The following MBD5 variants were observed in gnomAD, a reference collection of about 807,000 sequenced individuals.
The protein encoded by MBD5 is methyl-CpG binding domain protein 5.
Under a neutral mutation model 117.3 loss-of-function variants are expected in MBD5, and 13 were observed. The ratio of observed to expected loss-of-function variants is 0.11; its 90% CI spans 0.07 to 0.18. The LOEUF is 0.18. Among genes scored for constraint, MBD5 ranks in the 10% least tolerant of loss-of-function variants. The pLI is 1.00. For missense variants in MBD5, 1,879 were observed against 2,093.8 expected, an observed-to-expected ratio of 0.90 and a Z score of 2.00; for synonymous variants, 727 against 766.4, an observed-to-expected ratio of 0.95 and a Z score of 0.85.
At chr2:148,183,695 A>C (rs1216614555) in intron 2 of MBD5, among the ~76,000 whole-genome samples, 1 of 152,124 alleles carries the variant, frequency 6.6e-6, no homozygotes, top group Non-Finnish European at 1.5e-5. Flanking sequence ...TTAAAAAAAC[A>C]GCACATTTTC....
intron 1 of MBD5, among the ~76,000 whole-genome samples, chr2:148,171,985 C>G (rs374182211): frequency 6.6e-6 from 1 of 152,220 alleles, no homozygotes; most frequent in Non-Finnish European, 1.5e-5. Context: ...CCAGCCTGGA[C>G]AGCATAGCAA....
chr2:148,030,373 A>C (rs1348106111), intron 1 of MBD5, among the ~76,000 whole-genome samples: 1 of 152,188 alleles, frequency 6.6e-6, no homozygotes, highest in Non-Finnish European at 1.5e-5. Context: ...AAATCCATGG[A>C]AAGATCTCTA....
chr2:148,083,349 A>C (rs1695695630), intron 1 of MBD5, among the ~76,000 whole-genome samples: 1 of 152,198 alleles, frequency 6.6e-6, no homozygotes, highest in Non-Finnish European at 1.5e-5. Context: ...ATTTTTGCGA[A>C]AGGATTGATT....
intron 3 of MBD5, among the ~76,000 whole-genome samples, chr2:148,290,730 G>A (rs1287169180): frequency 1.3e-5 from 2 of 151,854 alleles, no homozygotes; most frequent in African/African-American, 2.4e-5. Context: ...TTTCAGTTAC[G>A]AATATACCAC....
intron 4 of MBD5, among the ~76,000 whole-genome samples, chr2:148,434,938 A>G (rs1706109840): frequency 6.6e-6 from 1 of 152,132 alleles, no homozygotes; most frequent in African/African-American, 2.4e-5. Context: ...TGTTGGGTGC[A>G]TATATATTTA....
At chr2:148,062,337 A>G (rs1695058958) in intron 1 of MBD5, 1 of 151,672 alleles carries the variant, frequency 6.6e-6, no homozygotes, top group African/African-American at 2.4e-5. Flanking sequence ...CTTTCAAAAC[A>G]GTTATAGTCT....
At chr2:148,235,990 G>T (rs926119959) in intron 3 of MBD5, among the ~76,000 whole-genome samples, 45 of 151,994 alleles carry the variant, frequency 3.0e-4, no homozygotes, top group African/African-American at 1.1e-3. Context: ...GTAGAGACAG[G>T]GTTTTGCCAT....
At chr2:148,501,043 G>A (rs1279446865) in intron 11 of MBD5, among the ~76,000 whole-genome samples, 7 of 152,334 alleles carry the variant, frequency 4.6e-5, no homozygotes, top group African/African-American at 1.7e-4. Context: ...CACACAGTGA[G>A]TTGGGTATGT....
At chr2:148,345,813 A>G (rs2105191274) in intron 4 of MBD5, among the ~76,000 whole-genome samples, 1 of 151,940 alleles carries the variant, frequency 6.6e-6, no homozygotes, top group South Asian at 2.1e-4. Context: ...ATGAGTCTCA[A>G]AACTGAAGAA....
Position 148,183,938 on chromosome 2 carries a change from AT to A in MBD5, c.-831+5152del, listed in dbSNP as rs200306150. Among the ~76,000 whole-genome samples, 902 of 152,002 alleles carry A rather than the reference AT, an allele frequency of 5.9e-3. 9 individuals are homozygous for A. Among genetic ancestry groups the A allele is most frequent in the African/African-American group, 0.021 (868 of 41,474 alleles). ...TATTCCCTAATCACATTGTAAAAAAATTTTTTTAATTAATTTAAAAAAATAA... is the reference window on the plus strand; with the variant it reads ...TATTCCCTAATCACATTGTAAAAAAATTTTTTAATTAATTTAAAAAAATAA... On this transcript the variant is annotated intron_variant, in intron 2 of 13. Coordinates refer to ENST00000642680, the MANE Select transcript of MBD5 (RefSeq NM_001378120.1).
rs2105294933 is a variant in MBD5 at position 148,512,887 on chromosome 2, G to C, written c.5130G>C (p.Gln1710His). The C allele has an allele frequency of 1.2e-6, 2 of 1,613,810 alleles. No homozygotes were observed. Among genetic ancestry groups the C allele is most frequent in the Non-Finnish European group, 8.5e-7 (1 of 1,179,836 alleles). The part of the protein sequence containing the change: ...KMSGTVHQIP[Q>H]GDRQMRPPKP... ...ATTTCCAGGTACACCAAATCCCACA[G>C]GGTGACAGACAAATGAGACCCCCCA... The change falls in exon 14 of 14, where the codon CAG becomes CAC. Residue 1710 changes from glutamine (Q) to histidine (H), a missense_variant. Gln to His is a conservative substitution (Grantham distance 24, BLOSUM62 0). This residue lies in a region of MBD5 where 135 missense variants were observed against 148.0 expected (regional missense o/e 0.91). Transcript: ENST00000642680.
chr2:148,119,734 A>C (rs1391955189), intron 1 of MBD5, among the ~76,000 whole-genome samples: 1 of 152,046 alleles, frequency 6.6e-6, no homozygotes, highest in Non-Finnish European at 1.5e-5. Flanking sequence ...TCTCCAGTTT[A>C]CCCAGCAACA....
intron 1 of MBD5, among the ~76,000 whole-genome samples, chr2:148,122,418 G>A (rs1696791411): frequency 6.6e-6 from 1 of 151,762 alleles, no homozygotes; most frequent in Non-Finnish European, 1.5e-5. Context: ...ATATGAGAGT[G>A]TATCTTAATA....
chr2:148,489,898 T>A lies in MBD5; in HGVS notation c.4266T>A (p.Ser1422Arg). The change falls in exon 11 of 14, where the codon AGT (serine) becomes AGA (arginine). Residue 1422 changes from serine (S) to arginine (R), a missense_variant. By Grantham distance (110) the Ser-to-Arg change is moderately radical. Transcript: ENST00000642680. The stretch of plus-strand genomic sequence containing the variant: ...GGTTTGAATATTTCAAGTCAGCAAG[T>A]TGCCACACATCCAAAAAACAGTGGG... ...GDGFEYFKSA[S>R]CHTSKKQWDG... is the part of the protein sequence containing the mutation. 6.2e-7 allele frequency: 1 copy of A among 1,613,998 alleles called. No individual in the cohort carries two copies. Among genetic ancestry groups the A allele is most frequent in the Non-Finnish European group, 8.5e-7 (1 of 1,180,012 alleles).
intron 4 of MBD5, among the ~76,000 whole-genome samples, chr2:148,447,104 G>A (rs183848475): frequency 2.1e-5 from 3 of 145,932 alleles, no homozygotes; most frequent in Non-Finnish European, 3.0e-5. Flanking sequence ...AGAAAGGATA[G>A]GAAGGAGAAA....
At chr2:148,384,462 G>C (rs1441564090) in intron 4 of MBD5, among the ~76,000 whole-genome samples, 1 of 152,084 alleles carries the variant, frequency 6.6e-6, no homozygotes, top group African/African-American at 2.4e-5. Flanking sequence ...AAATAAAAGA[G>C]GATACAAACA....
rs1216304120 is a variant in MBD5 at position 148,389,891 on chromosome 2, T to C, written c.-557+47555T>C. ...TCTCCCATTCTGTAGGTTGTCTCTT[T>C]GTTGATTTTTTCTTTTACTATGCCG... On this transcript the variant is annotated intron_variant, in intron 4 of 13. Coordinates refer to ENST00000642680, the MANE Select transcript of MBD5 (RefSeq NM_001378120.1). Among the ~76,000 whole-genome samples the C allele has an allele frequency of 1.3e-4, 20 of 152,054 alleles. No individual in the cohort carries two copies. In the East Asian group the frequency reaches 3.5e-3, roughly 26 times the overall value.
intron 3 of MBD5, among the ~76,000 whole-genome samples, chr2:148,297,577 A>G (rs903247970): frequency 6.6e-6 from 1 of 152,164 alleles, no homozygotes; most frequent in Non-Finnish European, 1.5e-5. Flanking sequence ...GTCTGTTCCA[A>G]TTAAATTCTG....
At chr2:148,105,393 A>G (rs750980812) in intron 1 of MBD5, among the ~76,000 whole-genome samples, 4 of 151,832 alleles carry the variant, frequency 2.6e-5, no homozygotes, top group Non-Finnish European at 5.9e-5. Context: ...TAATTTTTAT[A>G]TTTTTAGTAG....
Sources: gnomAD v4.1 joint callset for allele counts (sites outside exome capture counted in the v4.1 genomes callset) on GRCh38, gnomAD v4.1.1 for gene constraint, gnomAD v4.1.1 regional missense constraint, MANE v1.5 for transcripts, NCBI Gene and HGNC (gene_info 2026-07-23, HGNC 2026-07-21) for gene names.